ARHGEF3: variants seen among roughly 807,000 people sequenced by gnomAD.
ARHGEF3 encodes 59.8 kDA protein.
ARHGEF3 carries 28 observed loss-of-function variants against 63.2 expected under a neutral mutation model. The observed-to-expected ratio is 0.44, with a 90% CI of 0.33 to 0.61. The LOEUF (loss-of-function observed/expected upper bound fraction) is 0.61. Ranked by LOEUF, ARHGEF3 falls within the 20% of genes least tolerant of loss-of-function variation. ARHGEF3 has a pLI of 0.03. For synonymous variants in ARHGEF3, 266 were observed against 254.2 expected, an observed-to-expected ratio of 1.05 and a Z score of -0.44; for missense variants, 533 against 659.3, an observed-to-expected ratio of 0.81 and a Z score of 2.10.
chr3:57,066,402 C>T (rs183664433), intron 1 of ARHGEF3, among the ~76,000 whole-genome samples: 5 of 152,278 alleles, frequency 3.3e-5, no homozygotes, highest in Non-Finnish European at 7.4e-5. Flanking sequence ...GCTGGGATTG[C>T]AGGCACCCGC....
intron 1 of ARHGEF3, among the ~76,000 whole-genome samples, chr3:57,061,987 T>C (rs1705245568): frequency 6.6e-6 from 1 of 152,186 alleles, no homozygotes; most frequent in African/African-American, 2.4e-5. Flanking sequence ...CTGCCCTGAA[T>C]AATGCCTTTG....
chr3:56,729,742 C>T (rs756025859), intron 9 of ARHGEF3, 120 bp from the exon 10 acceptor site: 53 of 812,826 alleles, frequency 6.5e-5, no homozygotes, highest in East Asian at 5.3e-5. Context: ...GATAACAAAA[C>T]GTTTCCCACT....
intron 4 of ARHGEF3, among the ~76,000 whole-genome samples, chr3:56,823,827 C>A (rs1375798865): frequency 6.6e-6 from 1 of 151,918 alleles, no homozygotes; most frequent in Non-Finnish European, 1.5e-5. Context: ...ATCTGTGAGC[C>A]AAACCACATG....
intron 1 of ARHGEF3, among the ~76,000 whole-genome samples, chr3:56,776,916 A>C (rs1454643479): frequency 6.6e-6 from 1 of 152,192 alleles, no homozygotes; most frequent in Non-Finnish European, 1.5e-5. Flanking sequence ...TATCTCACTA[A>C]AGTTTAAAAA....
At chr3:56,828,605 C>T (rs944990905) in intron 4 of ARHGEF3, among the ~76,000 whole-genome samples, 1 of 152,082 alleles carries the variant, frequency 6.6e-6, no homozygotes, top group African/African-American at 2.4e-5. Flanking sequence ...CCTGTCTCTC[C>T]CTCATTTAAA....
intron 2 of ARHGEF3, among the ~76,000 whole-genome samples, chr3:56,979,512 G>A (rs1047629588): frequency 2.0e-5 from 3 of 152,244 alleles, no homozygotes; most frequent in Non-Finnish European, 4.4e-5. Context: ...CTGTCCAGCT[G>A]CCACAGGCAG....
rs1703853342 is a variant in ARHGEF3 at position 57,034,189 on chromosome 3, A to G, written c.62+899T>C. On this transcript the variant is annotated intron_variant, in intron 2 of 12. Transcript: ENST00000338458. Reference sequence around the variant, plus strand: ...CCAGGCTGGAGTGCAGTGGCTATTCACAAGTGCAATTGTAGTGCACTTCAG... The same window carrying G: ...CCAGGCTGGAGTGCAGTGGCTATTCGCAAGTGCAATTGTAGTGCACTTCAG... 3.3e-5 allele frequency among the ~76,000 whole-genome samples: 5 copies of G among 151,652 alleles called. No homozygotes were observed. The South Asian group carries it at 1.0e-3, about 32-fold the overall frequency.
intron 1 of ARHGEF3, among the ~76,000 whole-genome samples, chr3:57,040,560 G>T (rs895489089): frequency 6.6e-6 from 1 of 151,282 alleles, no homozygotes. Flanking sequence ...CGGTTCTAGT[G>T]GGGGAGTGGT....
chr3:56,981,405 C>T (rs1311940257), intron 2 of ARHGEF3, among the ~76,000 whole-genome samples: 1 of 152,176 alleles, frequency 6.6e-6, no homozygotes, highest in Non-Finnish European at 1.5e-5. Flanking sequence ...AGCTTTGCTG[C>T]ACACTATAAA....
chr3:56,933,010 G>T (rs1417812589), intron 3 of ARHGEF3, among the ~76,000 whole-genome samples: 3 of 152,206 alleles, frequency 2.0e-5, no homozygotes, highest in Non-Finnish European at 2.9e-5. Context: ...CAACTAAGGT[G>T]CCATGATTAA....
At chr3:57,006,054 A>G (rs932029311) in intron 2 of ARHGEF3, among the ~76,000 whole-genome samples, 4 of 152,212 alleles carry the variant, frequency 2.6e-5, no homozygotes, top group Non-Finnish European at 4.4e-5. Flanking sequence ...TGATGGCCCC[A>G]TAACTGTAAA....
At chr3:56,741,247 G>A (rs1182666116) in intron 7 of ARHGEF3, among the ~76,000 whole-genome samples, 5 of 148,448 alleles carry the variant, frequency 3.4e-5, no homozygotes, top group South Asian at 2.1e-4. Context: ...GTGCAATGGC[G>A]CAATCTCGGC....
At chr3:56,971,522 G>A (rs557993101) in intron 2 of ARHGEF3, among the ~76,000 whole-genome samples, 1 of 152,184 alleles carries the variant, frequency 6.6e-6, no homozygotes, top group African/African-American at 2.4e-5. Context: ...GGACAGTCAG[G>A]CCCCAACATG....
intron 2 of ARHGEF3, among the ~76,000 whole-genome samples, chr3:56,763,603 CAG>C (rs1336221466): frequency 1.3e-5 from 2 of 152,174 alleles, no homozygotes; most frequent in South Asian, 2.1e-4. Context: ...GCCTCACATG[CAG>C]AGTTAAGTGA....
At chr3:56,859,069 G>A (rs182585096) in intron 4 of ARHGEF3, among the ~76,000 whole-genome samples, 51 of 152,280 alleles carry the variant, frequency 3.3e-4, no homozygotes, top group Non-Finnish European at 5.7e-4. Flanking sequence ...GATTTATCCC[G>A]CCAGGGAAGA....
chr3:57,039,530 G>A (rs1056840321), intron 1 of ARHGEF3, among the ~76,000 whole-genome samples: 16 of 152,056 alleles, frequency 1.1e-4, no homozygotes, highest in Admixed American at 8.5e-4. Flanking sequence ...ATTACCACAC[G>A]CTTAGTGACT....
intron 2 of ARHGEF3, among the ~76,000 whole-genome samples, chr3:56,978,106 C>T (rs1311890617): frequency 6.6e-6 from 1 of 152,308 alleles, no homozygotes; most frequent in East Asian, 1.9e-4. Flanking sequence ...TCACCCCCGC[C>T]CCGTACTAGG....
chr3:56,938,577 C>T (rs1352391632), intron 3 of ARHGEF3: 1 of 152,164 alleles, frequency 6.6e-6, no homozygotes, highest in South Asian at 2.1e-4. Context: ...TTACAAGGCA[C>T]TAAATATACA....
At chr3:57,053,963 C>T (rs542423727) in intron 1 of ARHGEF3, among the ~76,000 whole-genome samples, 1 of 152,306 alleles carries the variant, frequency 6.6e-6, no homozygotes, top group Admixed American at 6.5e-5. Context: ...TGGCTATGAA[C>T]ATTTGTGTAC....
Sources: gnomAD v4.1 joint callset for allele counts (sites outside exome capture counted in the v4.1 genomes callset) on GRCh38, gnomAD v4.1.1 for gene constraint, MANE v1.5 for transcripts, NCBI Gene and HGNC (gene_info 2026-07-23, HGNC 2026-07-21) for gene names.